TBC1D22A: variants seen among roughly 807,000 people sequenced by gnomAD.
TBC1D22A encodes the protein TBC1 domain family member 22A.
A neutral mutation model predicts 60.2 loss-of-function variants in TBC1D22A; 38 were observed. That is an observed-to-expected ratio of 0.63 (90% CI 0.49 to 0.83). The LOEUF (loss-of-function observed/expected upper bound fraction) is 0.83, where lower values mean the gene tolerates loss of function less well. TBC1D22A is among the 40% of genes least tolerant of loss of function. The pLI, the probability that TBC1D22A is intolerant of heterozygous loss-of-function variation, is 0.00. For missense variants in TBC1D22A, 628 were observed against 701.0 expected (o/e 0.90, Z 1.18); for synonymous variants, 302 against 281.7 (o/e 1.07, Z -0.72).
rs180933048 is a variant in TBC1D22A at position 46,808,625 on chromosome 22, T to A, written c.637+11005T>A. Among the ~76,000 whole-genome samples the A allele has an allele frequency of 3.3e-5, 5 of 152,156 alleles. No individual in the cohort carries two copies. In the East Asian group the frequency reaches 9.7e-4, roughly 29 times the overall value. On this transcript the variant is annotated intron_variant, in intron 4 of 12. Transcript: ENST00000337137. ...GCTTTTTTTTTTTGGGAGACAGTCT[T>A]GTTCGGTTGCCCAGGCCAGAGTGCA...
intron 7 of TBC1D22A, among the ~76,000 whole-genome samples, chr22:46,904,099 C>CAA (rs10628012): frequency 0.051 from 2,076 of 40,558 alleles, 45 homozygotes; most frequent in African/African-American, 0.13. Flanking sequence ...TAAATAAAAT[C>CAA]TATCTATCTA....
At chr22:46,956,215 C>A (rs1182690892) in intron 8 of TBC1D22A, among the ~76,000 whole-genome samples, 1 of 152,072 alleles carries the variant, frequency 6.6e-6, no homozygotes, top group African/African-American at 2.4e-5. Context: ...GAGATAGGGT[C>A]TTTAAAGAGG....
Position 46,866,737 on chromosome 22 carries a change from C to T in TBC1D22A, c.638-11916C>T, listed in dbSNP as rs151197946. On this transcript the variant is annotated intron_variant, in intron 4 of 12. Coordinates refer to ENST00000337137, the MANE Select transcript of TBC1D22A (RefSeq NM_014346.5). Reference sequence around the variant, plus strand: ...TGTTCTTGCCCCAGAAAGACACTGACGACAGCTGATGAGACAGCCCTTCAG... The same window carrying T: ...TGTTCTTGCCCCAGAAAGACACTGATGACAGCTGATGAGACAGCCCTTCAG... 7.9e-5 allele frequency among the ~76,000 whole-genome samples: 12 copies of T among 152,312 alleles called. No individual in the cohort carries two copies. In the East Asian group the frequency reaches 9.6e-4, roughly 12 times the overall value.
At chr22:46,904,214 T>G (rs1277271963) in intron 7 of TBC1D22A, among the ~76,000 whole-genome samples, 1 of 131,846 alleles carries the variant, frequency 7.6e-6, no homozygotes, top group Non-Finnish European at 1.5e-5. Flanking sequence ...TCAATGCGGT[T>G]TTTTGAAAAA....
At chr22:47,159,648 AC>A (rs2067890543) in intron 12 of TBC1D22A, among the ~76,000 whole-genome samples, 1 of 151,120 alleles carries the variant, frequency 6.6e-6, no homozygotes, top group Non-Finnish European at 1.5e-5. Context: ...ACCACATACC[AC>A]GTATATACAC....
chr22:46,801,513 A>G (rs946909734), intron 4 of TBC1D22A, among the ~76,000 whole-genome samples: 3 of 152,262 alleles, frequency 2.0e-5, no homozygotes, highest in African/African-American at 7.2e-5. Flanking sequence ...TTTTACTCTT[A>G]GCATTGGCTC....
At chr22:46,827,355 G>A (rs2086114152) in intron 4 of TBC1D22A, among the ~76,000 whole-genome samples, 1 of 152,158 alleles carries the variant, frequency 6.6e-6, no homozygotes, top group African/African-American at 2.4e-5. Context: ...AGAAAACTGT[G>A]TTCAATGTCC....
intron 7 of TBC1D22A, among the ~76,000 whole-genome samples, chr22:46,908,559 G>A (rs1037879185): frequency 2.0e-5 from 3 of 152,198 alleles, no homozygotes; most frequent in African/African-American, 7.2e-5. Flanking sequence ...AATTTGGACT[G>A]ACTGATAGCT....
intron 4 of TBC1D22A, among the ~76,000 whole-genome samples, chr22:46,858,949 G>T (rs971990391): frequency 6.6e-6 from 1 of 151,974 alleles, no homozygotes; most frequent in Non-Finnish European, 1.5e-5. Flanking sequence ...ATGCCCACGC[G>T]CAGACCAGAA....
At chr22:46,787,817 G>T (rs555626529) in intron 1 of TBC1D22A, among the ~76,000 whole-genome samples, 1 of 151,904 alleles carries the variant, frequency 6.6e-6, no homozygotes, top group Non-Finnish European at 1.5e-5. Context: ...ATGACAAAAT[G>T]TTGGAATTTG....
intron 12 of TBC1D22A, among the ~76,000 whole-genome samples, chr22:47,164,030 G>A (rs1569479689): frequency 6.6e-6 from 1 of 152,296 alleles, no homozygotes. Context: ...AGCCATCACC[G>A]CGCCAGGTAA....
intron 11 of TBC1D22A, among the ~76,000 whole-genome samples, chr22:47,109,017 A>T (rs570359211): frequency 6.6e-6 from 1 of 152,178 alleles, no homozygotes; most frequent in South Asian, 2.1e-4. Flanking sequence ...AGTTTATCGT[A>T]TGAGAGTTAT....
At chr22:46,827,021 A>C (rs962374768) in intron 4 of TBC1D22A, among the ~76,000 whole-genome samples, 5 of 151,918 alleles carry the variant, frequency 3.3e-5, no homozygotes, top group Non-Finnish European at 7.4e-5. Context: ...CCATCAACAG[A>C]GACTCTTTCC....
chr22:47,109,774 G>C (rs1011433660), intron 11 of TBC1D22A, among the ~76,000 whole-genome samples: 1 of 151,900 alleles, frequency 6.6e-6, no homozygotes, highest in Non-Finnish European at 1.5e-5. Flanking sequence ...TCTGTCATAC[G>C]CGTTGGTGTG....
chr22:46,953,757 T>A (rs1202572715), intron 8 of TBC1D22A, among the ~76,000 whole-genome samples: 1 of 152,250 alleles, frequency 6.6e-6, no homozygotes, highest in African/African-American at 2.4e-5. Context: ...GGCTTAGGAT[T>A]TGATAGAATT....
intron 4 of TBC1D22A, among the ~76,000 whole-genome samples, chr22:46,815,369 G>A (rs1050955380): frequency 6.6e-6 from 1 of 152,164 alleles, no homozygotes; most frequent in South Asian, 2.1e-4. Context: ...TTTGCCCTTC[G>A]TTTCCTCTGT....
intron 11 of TBC1D22A, among the ~76,000 whole-genome samples, chr22:47,053,090 G>A (rs1039089481): frequency 4.6e-5 from 7 of 151,670 alleles, no homozygotes; most frequent in East Asian, 3.9e-4. Context: ...CCCAAGCATC[G>A]TGCCCACCAC....
chr22:46,938,331 G>A (rs1200129257), intron 8 of TBC1D22A, among the ~76,000 whole-genome samples: 1 of 152,184 alleles, frequency 6.6e-6, no homozygotes, highest in Non-Finnish European at 1.5e-5. Context: ...CGCTGCACAG[G>A]TTTGTGGCCC....
intron 11 of TBC1D22A, among the ~76,000 whole-genome samples, chr22:47,104,009 G>A (rs569880653): frequency 1.6e-4 from 25 of 152,270 alleles, no homozygotes; most frequent in East Asian, 9.6e-4. Flanking sequence ...GAAAATTTGC[G>A]TCTGTAAAGA....
Sources: allele counts gnomAD v4.1 joint callset (sites outside exome capture counted in the v4.1 genomes callset), GRCh38; gene constraint gnomAD v4.1.1; transcripts MANE v1.5; gene names NCBI Gene and HGNC (gene_info 2026-07-23, HGNC 2026-07-21).